Variants in GPM6A observed in about 807,000 individuals in gnomAD.
The protein encoded by GPM6A is neuronal membrane glycoprotein M6-a.
Under a neutral mutation model 32.1 loss-of-function variants are expected in GPM6A, and 7 were observed. The ratio of observed to expected loss-of-function variants is 0.22; its 90% CI spans 0.12 to 0.41. The LOEUF (loss-of-function observed/expected upper bound fraction) is 0.41, where lower values mean the gene tolerates loss of function less well. Among genes scored for constraint, GPM6A ranks in the 10% least tolerant of loss-of-function variants. GPM6A has a pLI of 1.00. For missense variants in GPM6A, 235 were observed against 347.2 expected (o/e 0.68, Z 2.57); for synonymous variants, 130 against 123.4 (o/e 1.05, Z -0.35).
chr4:175,910,769 T>A (rs1031611787), intron 1 of GPM6A, among the ~76,000 whole-genome samples: 1 of 151,946 alleles, frequency 6.6e-6, no homozygotes, highest in Non-Finnish European at 1.5e-5. Flanking sequence ...TAAACCGGAG[T>A]TCAACAACTT....
chr4:175,646,518 T>A (rs965495728), intron 4 of GPM6A, among the ~76,000 whole-genome samples: 3 of 152,220 alleles, frequency 2.0e-5, no homozygotes, highest in African/African-American at 7.2e-5. Context: ...GCCAGGTTCA[T>A]GATGTAAGTG....
intron 1 of GPM6A, among the ~76,000 whole-genome samples, chr4:175,982,590 T>C (rs1036326165): frequency 6.6e-6 from 1 of 152,202 alleles, no homozygotes; most frequent in African/African-American, 2.4e-5. Context: ...GTTTGTTCTC[T>C]ATTCCATTAA....
At chr4:175,987,924 A>AGG in intron 1 of GPM6A, among the ~76,000 whole-genome samples, 1 of 152,294 alleles carries the variant, frequency 6.6e-6, no homozygotes, top group East Asian at 1.9e-4. Context: ...TCTAAACTTT[A>AGG]TAATTCCATA....
At chr4:175,815,718 C>CTTTTTTTTTTTTT (rs60711329), upstream of GPM6A, among the ~76,000 whole-genome samples, 2 of 127,102 alleles carry the variant, frequency 1.6e-5, no homozygotes, top group Non-Finnish European at 3.2e-5. Context: ...TTTTTCTTTT[C>CTTTTTTTTTTTTT]TTTTTTTTTT....
At chr4:175,746,820 G>T (rs1174179780) in intron 1 of GPM6A, among the ~76,000 whole-genome samples, 1 of 152,058 alleles carries the variant, frequency 6.6e-6, no homozygotes. Flanking sequence ...TATCTCTGTG[G>T]ATTATCAATA....
At chr4:175,703,517 T>C (rs1185653781) in intron 1 of GPM6A, among the ~76,000 whole-genome samples, 1 of 152,172 alleles carries the variant, frequency 6.6e-6, no homozygotes, top group Non-Finnish European at 1.5e-5. Flanking sequence ...TGTCATGTGG[T>C]TGTCAAAAAT....
At chr4:175,658,801 T>G (rs1742234463) in intron 3 of GPM6A, among the ~76,000 whole-genome samples, 1 of 152,210 alleles carries the variant, frequency 6.6e-6, no homozygotes, top group African/African-American at 2.4e-5. Context: ...TGAGCATATG[T>G]GAAATGTTAA....
intron 1 of GPM6A, among the ~76,000 whole-genome samples, chr4:175,953,584 T>C (rs1376273817): frequency 6.6e-6 from 1 of 152,198 alleles, no homozygotes; most frequent in Non-Finnish European, 1.5e-5. Flanking sequence ...GCAGGACACA[T>C]GGCAGACTTA....
chr4:175,695,302 T>G (rs1488536336), intron 2 of GPM6A, among the ~76,000 whole-genome samples: 2 of 152,116 alleles, frequency 1.3e-5, no homozygotes, highest in Admixed American at 6.5e-5. Context: ...CCCAGAATGG[T>G]AGATCCACCA....
intron 1 of GPM6A, among the ~76,000 whole-genome samples, chr4:175,766,247 A>C (rs1379511543): frequency 6.6e-6 from 1 of 152,168 alleles, no homozygotes; most frequent in Non-Finnish European, 1.5e-5. Flanking sequence ...AAAATACTAA[A>C]ATTAGGACTA....
intron 2 of GPM6A, among the ~76,000 whole-genome samples, chr4:175,687,082 G>T (rs1016084629): frequency 6.6e-6 from 1 of 152,174 alleles, no homozygotes; most frequent in Admixed American, 6.5e-5. Flanking sequence ...TCAGAACAGA[G>T]TATCTGCAAT....
intron 1 of GPM6A, among the ~76,000 whole-genome samples, chr4:175,912,590 G>C (rs1738357160): frequency 6.6e-6 from 1 of 152,156 alleles, no homozygotes; most frequent in Admixed American, 6.5e-5. Context: ...GGGAGGCAGA[G>C]GTTGCAGTAA....
chr4:175,645,056 C>T (rs1230699392), intron 4 of GPM6A, among the ~76,000 whole-genome samples: 10 of 152,020 alleles, frequency 6.6e-5, no homozygotes, highest in Non-Finnish European at 1.0e-4. Flanking sequence ...GACGAGATCA[C>T]GCCACTGCAC....
At chr4:175,702,111 T>C (rs1410223359) in intron 1 of GPM6A, among the ~76,000 whole-genome samples, 6 of 152,226 alleles carry the variant, frequency 3.9e-5, no homozygotes, top group Admixed American at 3.3e-4. Context: ...AAATGTCACA[T>C]GCTTATGGTT....
intron 1 of GPM6A, chr4:175,961,997 A>G: frequency 1.8e-6 from 1 of 558,422 alleles, no homozygotes; most frequent in Non-Finnish European, 3.3e-6. Flanking sequence ...TTGTATATTA[A>G]CAGGGGAGCA....
chr4:175,670,370 G>A (rs1238242731), intron 3 of GPM6A, among the ~76,000 whole-genome samples: 1 of 151,972 alleles, frequency 6.6e-6, no homozygotes, highest in Non-Finnish European at 1.5e-5. Context: ...TGGGGATGGG[G>A]GCAAAAAATA....
At chr4:175,812,338 T>TTTTTTTA, upstream of GPM6A, 3 of 1,328,588 alleles carry the variant, frequency 2.3e-6, no homozygotes, top group Non-Finnish European at 2.9e-6. Flanking sequence ...TTTTTTTTTT[T>TTTTTTTA]TTCCTGGGAA....
intron 4 of GPM6A, among the ~76,000 whole-genome samples, chr4:175,645,015 G>A (rs573284671): frequency 6.6e-6 from 1 of 152,138 alleles, no homozygotes; most frequent in South Asian, 2.1e-4. Context: ...CAGGAGAATC[G>A]CTTGAACCCG....
intron 1 of GPM6A, among the ~76,000 whole-genome samples, chr4:175,970,241 C>T (rs114650445): frequency 0.012 from 1,806 of 152,258 alleles, 30 homozygotes; most frequent in African/African-American, 0.042. Flanking sequence ...AACAGAAACA[C>T]ACCAGACTTG....
Sources: allele counts gnomAD v4.1 joint callset (sites outside exome capture counted in the v4.1 genomes callset), GRCh38; gene constraint gnomAD v4.1.1; transcripts MANE v1.5; gene names NCBI Gene and HGNC (gene_info 2026-07-23, HGNC 2026-07-21).